The following SNX29 variants were observed in gnomAD, a reference collection of about 807,000 sequenced individuals.
The protein encoded by SNX29 is sorting nexin-29.
A neutral mutation model predicts 102.1 loss-of-function variants in SNX29; 78 were observed. The ratio of observed to expected loss-of-function variants is 0.76; its 90% CI spans 0.64 to 0.92. The LOEUF is 0.92. Among genes scored for constraint, SNX29 ranks in the 40% least tolerant of loss-of-function variants. The pLI is 0.00. For synonymous variants in SNX29, 580 were observed against 414.5 expected (o/e 1.40, Z -4.85); for missense variants, 1,280 against 1,061.7 (o/e 1.21, Z -2.86).
chr16:12,389,102 C>A (rs2083436398), intron 16 of SNX29, among the ~76,000 whole-genome samples: 1 of 152,146 alleles, frequency 6.6e-6, no homozygotes, highest in Non-Finnish European at 1.5e-5. Flanking sequence ...CTTAGGAAAT[C>A]CTACATCCAC....
intron 13 of SNX29, chr16:12,135,725 T>C: frequency 1.3e-6 from 1 of 777,720 alleles, no homozygotes; most frequent in Non-Finnish European, 1.9e-6. Flanking sequence ...AATAAATTGC[T>C]TTCATTCCTT....
chr16:12,165,918 C>G (rs752356464), intron 13 of SNX29, among the ~76,000 whole-genome samples: 1 of 152,238 alleles, frequency 6.6e-6, no homozygotes, highest in South Asian at 2.1e-4. Flanking sequence ...TGCACACTAG[C>G]CATGTGACCT....
intron 14 of SNX29, among the ~76,000 whole-genome samples, chr16:12,241,594 G>A (rs1039875116): frequency 3.9e-5 from 6 of 151,948 alleles, no homozygotes; most frequent in African/African-American, 1.2e-4. Flanking sequence ...CCTGGGTAGC[G>A]GGGATTACAG....
chr16:12,003,066 C>T lies in SNX29; in HGVS notation c.122+23C>T, dbSNP rs141130515. 1.9e-4 allele frequency: 306 copies of T among 1,613,686 alleles called. 2 individuals are homozygous for T. The African/African-American group carries it at 3.7e-3, about 20-fold the overall frequency. On this transcript the variant is annotated intron_variant, in intron 3 of 20. Coordinates refer to ENST00000566228, the MANE Select transcript of SNX29 (RefSeq NM_032167.5). The stretch of plus-strand genomic sequence containing the variant: ...CAGGTAAATATGTCACTTCTAAAAC[C>T]GTTGACCATCGAGGTTGGAAAGGCG...
chr16:12,503,096 T>TC (rs1381506330), intron 19 of SNX29, among the ~76,000 whole-genome samples: 1 of 151,856 alleles, frequency 6.6e-6, no homozygotes, highest in Non-Finnish European at 1.5e-5. Context: ...GGGAGGACCC[T>TC]CCCATCCACC....
intron 19 of SNX29, among the ~76,000 whole-genome samples, chr16:12,506,362 G>C (rs928031102): frequency 6.6e-6 from 1 of 152,222 alleles, no homozygotes. Flanking sequence ...CTGGAGGGCG[G>C]AGTACTCTGT....
intron 11 of SNX29, among the ~76,000 whole-genome samples, chr16:12,114,557 T>C (rs2053619332): frequency 6.6e-6 from 1 of 152,100 alleles, no homozygotes; most frequent in Admixed American, 6.5e-5. Flanking sequence ...GTCCCGGTTC[T>C]GTATCGTCAT....
At chr16:12,033,150 C>T (rs1394934117) in intron 4 of SNX29, among the ~76,000 whole-genome samples, 3 of 151,668 alleles carry the variant, frequency 2.0e-5, no homozygotes, top group African/African-American at 7.3e-5. Context: ...CCACTGTGCC[C>T]GGCCAATGCT....
At chr16:12,361,784 G>C (rs1162128263) in intron 16 of SNX29, among the ~76,000 whole-genome samples, 4 of 151,802 alleles carry the variant, frequency 2.6e-5, no homozygotes, top group African/African-American at 7.3e-5. Context: ...TTAGACTCAT[G>C]ACAAACCTTA....
chr16:12,534,792 G>A lies in SNX29; in HGVS notation c.2318+9951G>A, dbSNP rs557160032. Among the ~76,000 whole-genome samples, 4 of 152,260 alleles carry A rather than the reference G, an allele frequency of 2.6e-5. No homozygotes were observed. The South Asian group carries it at 8.3e-4, about 32-fold the overall frequency. On this transcript the variant is annotated intron_variant, in intron 20 of 20. Coordinates refer to ENST00000566228, the MANE Select transcript of SNX29 (RefSeq NM_032167.5). The stretch of plus-strand genomic sequence containing the variant: ...CTACCCCTCTGGTTTTTAACTAAGG[G>A]CAATTTTGCCTTACTCCCCAGTTCC...
chr16:12,234,720 G>T (rs1398023830), intron 14 of SNX29, among the ~76,000 whole-genome samples: 1 of 152,184 alleles, frequency 6.6e-6, no homozygotes. Context: ...GGTTTTGGGG[G>T]TTGTTGGTTG....
intron 10 of SNX29, among the ~76,000 whole-genome samples, chr16:12,071,735 G>C (rs145623922): frequency 1.3e-5 from 2 of 152,204 alleles, no homozygotes; most frequent in East Asian, 1.9e-4. Context: ...GATGGGGATG[G>C]CATTGAATCT....
chr16:12,252,457 G>A (rs1405393822), intron 14 of SNX29, among the ~76,000 whole-genome samples: 1 of 152,276 alleles, frequency 6.6e-6, no homozygotes, highest in East Asian at 1.9e-4. Context: ...TCTAAGATGG[G>A]GGAACACACA....
intron 19 of SNX29, among the ~76,000 whole-genome samples, chr16:12,508,074 A>G (rs760700217): frequency 3.3e-5 from 5 of 152,210 alleles, no homozygotes; most frequent in Non-Finnish European, 7.3e-5. Flanking sequence ...TGTGAGTTTC[A>G]GTGTTCTTAC....
chr16:12,244,571 T>C (rs111555139), intron 14 of SNX29, among the ~76,000 whole-genome samples: 5,361 of 151,850 alleles, frequency 0.035, 344 homozygotes, highest in African/African-American at 0.12. Flanking sequence ...GATCATGCCA[T>C]TGCACTCCAG....
chr16:12,245,141 G>A (rs905351262), intron 14 of SNX29, among the ~76,000 whole-genome samples: 4 of 152,130 alleles, frequency 2.6e-5, no homozygotes, highest in African/African-American at 9.7e-5. Flanking sequence ...GATTTTTGTT[G>A]TTGGATTCCT....
chr16:12,214,413 G>T (rs2077268670), intron 14 of SNX29, among the ~76,000 whole-genome samples: 1 of 152,184 alleles, frequency 6.6e-6, no homozygotes, highest in Non-Finnish European at 1.5e-5. Flanking sequence ...TCTGTCCTGG[G>T]AGCTGACAGG....
At chr16:12,526,165 C>G (rs568130414) in intron 20 of SNX29, among the ~76,000 whole-genome samples, 13 of 152,288 alleles carry the variant, frequency 8.5e-5, no homozygotes, top group African/African-American at 3.1e-4. Context: ...GTATGAAATG[C>G]TGGGGTAATA....
intron 14 of SNX29, among the ~76,000 whole-genome samples, chr16:12,261,346 G>A (rs149582634): frequency 0.01 from 1,273 of 125,704 alleles, 27 homozygotes; most frequent in Non-Finnish European, 0.013. Context: ...CTGTGCGTGC[G>A]TCCCTGGCTG....
Sources: gnomAD v4.1 joint callset for allele counts (sites outside exome capture counted in the v4.1 genomes callset) on GRCh38, gnomAD v4.1.1 for gene constraint, MANE v1.5 for transcripts, NCBI Gene and HGNC (gene_info 2026-07-23, HGNC 2026-07-21) for gene names.